The following KIAA1549L variants were observed in gnomAD, a reference collection of about 807,000 sequenced individuals.
KIAA1549L encodes the protein UPF0606 protein KIAA1549L.
A neutral mutation model predicts 160.7 loss-of-function variants in KIAA1549L; 88 were observed. The ratio of observed to expected loss-of-function variants is 0.55; its 90% CI spans 0.46 to 0.65. KIAA1549L has a LOEUF of 0.65. Ranked by LOEUF, KIAA1549L falls within the 30% of genes least tolerant of loss-of-function variation. KIAA1549L has a pLI of 0.00. For missense variants in KIAA1549L, 2,258 were observed against 2,437.5 expected, an observed-to-expected ratio of 0.93 and a Z score of 1.55; for synonymous variants, 950 against 976.7, an observed-to-expected ratio of 0.97 and a Z score of 0.51.
chr11:33,593,841 TG>T (rs1213114906), intron 12 of KIAA1549L, among the ~76,000 whole-genome samples: 2 of 151,844 alleles, frequency 1.3e-5, no homozygotes, highest in Non-Finnish European at 2.9e-5. Context: ...TTTAGAGGAG[TG>T]GTCTAGGGTA....
chr11:33,468,943 A>C (rs1852118125), intron 1 of KIAA1549L, among the ~76,000 whole-genome samples: 1 of 152,182 alleles, frequency 6.6e-6, no homozygotes, highest in South Asian at 2.1e-4. Flanking sequence ...AGAGGGTACA[A>C]TAATGGACTC....
At chr11:33,438,847 GTTTTT>G (rs35955927) in intron 1 of KIAA1549L, among the ~76,000 whole-genome samples, 5 of 139,582 alleles carry the variant, frequency 3.6e-5, no homozygotes, top group South Asian at 2.3e-4. Context: ...GGATTTGAAG[GTTTTT>G]TTTTTTTTTT....
chr11:33,618,427 T>C, intron 15 of KIAA1549L, 106 bp from the exon 16 acceptor site: 2 of 962,558 alleles, frequency 2.1e-6, no homozygotes, highest in Non-Finnish European at 3.0e-6. Flanking sequence ...CTGAGATTTG[T>C]GAGGCAAATC....
intron 1 of KIAA1549L, among the ~76,000 whole-genome samples, chr11:33,381,518 G>C (rs1850073860): frequency 6.6e-6 from 1 of 152,202 alleles, no homozygotes; most frequent in African/African-American, 2.4e-5. Context: ...AGAGTAGTGA[G>C]AAATGATGTT....
intron 1 of KIAA1549L, among the ~76,000 whole-genome samples, chr11:33,527,853 G>A (rs1221595801): frequency 6.6e-6 from 1 of 152,198 alleles, no homozygotes; most frequent in Non-Finnish European, 1.5e-5. Context: ...TGGTTTGGCT[G>A]TGTCTCCACC....
intron 1 of KIAA1549L, among the ~76,000 whole-genome samples, chr11:33,481,915 C>A (rs1852419382): frequency 6.6e-6 from 1 of 152,244 alleles, no homozygotes; most frequent in Admixed American, 6.5e-5. Context: ...CCCATGTTCC[C>A]TGTAATTCTC....
At chr11:33,383,648 G>A (rs918573842) in intron 1 of KIAA1549L, among the ~76,000 whole-genome samples, 2 of 152,156 alleles carry the variant, frequency 1.3e-5, no homozygotes, top group African/African-American at 4.8e-5. Context: ...CAGGCAGCCC[G>A]TGGTCCAGGA....
intron 16 of KIAA1549L, among the ~76,000 whole-genome samples, chr11:33,633,062 A>G (rs1851342099): frequency 7.5e-6 from 1 of 133,208 alleles, no homozygotes; most frequent in African/African-American, 2.9e-5. Context: ...TGCAACCTCC[A>G]CCTCCTGGGT....
intron 1 of KIAA1549L, among the ~76,000 whole-genome samples, chr11:33,406,716 G>A (rs1199918037): frequency 6.6e-6 from 1 of 152,240 alleles, no homozygotes; most frequent in Non-Finnish European, 1.5e-5. Flanking sequence ...AGCGCTCACT[G>A]CATCTTTCTT....
At chr11:33,634,514 A>G (rs1021122115) in intron 16 of KIAA1549L, among the ~76,000 whole-genome samples, 1 of 152,020 alleles carries the variant, frequency 6.6e-6, no homozygotes, top group Non-Finnish European at 1.5e-5. Flanking sequence ...AGTGGTTGCA[A>G]CTCAAGGCAA....
chr11:33,610,693 G>A (rs1187440430), intron 15 of KIAA1549L, among the ~76,000 whole-genome samples: 1 of 152,220 alleles, frequency 6.6e-6, no homozygotes, highest in African/African-American at 2.4e-5. Context: ...ATCTAAAAGG[G>A]AGTCCTGTCC....
intron 1 of KIAA1549L, among the ~76,000 whole-genome samples, chr11:33,423,776 C>T (rs928478759): frequency 3.3e-5 from 5 of 152,114 alleles, no homozygotes; most frequent in Non-Finnish European, 7.3e-5. Context: ...GCCTGTAATT[C>T]GAGCACTTTG....
At chr11:33,575,264 C>G (rs142138983) in intron 10 of KIAA1549L, among the ~76,000 whole-genome samples, 1 of 152,342 alleles carries the variant, frequency 6.6e-6, no homozygotes, top group African/African-American at 2.4e-5. Context: ...TGGGCGAGAC[C>G]TGGCTCCTGC....
intron 1 of KIAA1549L, among the ~76,000 whole-genome samples, chr11:33,517,149 C>A (rs1317767371): frequency 6.6e-6 from 1 of 152,192 alleles, no homozygotes; most frequent in East Asian, 1.9e-4. Context: ...TAGGGTATGT[C>A]TCTCCCTTTC....
chr11:33,555,203 G>A (rs900331170), intron 6 of KIAA1549L, among the ~76,000 whole-genome samples: 12 of 141,890 alleles, frequency 8.5e-5, no homozygotes, highest in African/African-American at 3.2e-4. Flanking sequence ...TGTGCTTATG[G>A]ATTGGGAGAC....
At position 33,559,794 on chromosome 11, in the gene KIAA1549L, G is replaced by C; in HGVS notation, c.3901G>C (p.Val1301Leu). The part of the protein sequence containing the change: ...NASQAVTLVY[V>L]VGNQSTFLNG... ...CTCCCAGGCAGTCACCTTGGTGTAC[G>C]TCGTGGGCAATCAGAGCACATTCCT... The change falls in exon 7 of 21, where the codon GTC becomes CTC. Residue 1301 changes from valine to leucine, a missense_variant. This residue lies in a region of KIAA1549L where 1,359 missense variants were observed against 1,546.6 expected (regional missense o/e 0.88). Coordinates refer to ENST00000658780, the MANE Select transcript of KIAA1549L (RefSeq NM_012194.3). 1 of 1,613,972 alleles carries C rather than the reference G, an allele frequency of 6.2e-7. No homozygotes were observed. Among genetic ancestry groups the C allele is most frequent in the Non-Finnish European group, 8.5e-7 (1 of 1,179,858 alleles).
intron 20 of KIAA1549L, among the ~76,000 whole-genome samples, chr11:33,663,456 C>T (rs1454840611): frequency 6.6e-6 from 1 of 152,184 alleles, no homozygotes; most frequent in African/African-American, 2.4e-5. Flanking sequence ...CTCATGTCAT[C>T]TTCCCTGCTT....
In KIAA1549L at chr11:33,393,306, C is replaced by T. The variant is rs1455057877; in HGVS notation, c.238+16417C>T. ...GGTGTTAGGCCTGCAGGCAGCCTTC[C>T]CTGGCATGCACTCTGCCCTCTGCCT... On this transcript the variant is annotated intron_variant, in intron 1 of 20. Transcript: ENST00000658780. Among the ~76,000 whole-genome samples, 4 of 152,180 alleles carry T rather than the reference C, an allele frequency of 2.6e-5. No homozygotes were observed. The East Asian group carries it at 7.7e-4, about 29-fold the overall frequency.
intron 9 of KIAA1549L, among the ~76,000 whole-genome samples, chr11:33,568,629 G>A (rs1339740923): frequency 6.6e-6 from 1 of 152,174 alleles, no homozygotes; most frequent in Non-Finnish European, 1.5e-5. Flanking sequence ...AATAGCAGAT[G>A]CACCATTATT....
Sources: gnomAD v4.1 joint callset for allele counts (sites outside exome capture counted in the v4.1 genomes callset) on GRCh38, gnomAD v4.1.1 for gene constraint, gnomAD v4.1.1 regional missense constraint, MANE v1.5 for transcripts, NCBI Gene and HGNC (gene_info 2026-07-23, HGNC 2026-07-21) for gene names.